ANKRD18B: variants seen among roughly 807,000 people sequenced by gnomAD.
ANKRD18B encodes the protein ankyrin repeat domain-containing protein 18B.
In ANKRD18B, 75 loss-of-function variants were observed where a neutral mutation model predicts 111.8. The observed-to-expected ratio is 0.67, with a 90% CI of 0.56 to 0.81. The LOEUF (loss-of-function observed/expected upper bound fraction) is 0.81. Ranked by LOEUF, ANKRD18B falls within the 40% of genes least tolerant of loss-of-function variation. ANKRD18B has a pLI of 0.00. For missense variants in ANKRD18B, 1,038 were observed against 1,225.5 expected, an observed-to-expected ratio of 0.85 and a Z score of 2.28; for synonymous variants, 356 against 417.3, an observed-to-expected ratio of 0.85 and a Z score of 1.79.
rs1395843453 is a variant in ANKRD18B at position 33,548,492 on chromosome 9, C to T, written c.1704C>T (p.Leu568=). The T allele has an allele frequency of 1.9e-6, 3 of 1,551,002 alleles. No homozygotes were observed. The highest frequency in any genetic ancestry group is 1.2e-5 in the South Asian group (1 of 83,940). ...AGCTCCGTGAGACAAGAGATGCTCT[C>T]AGGGAAAAGACATTGGCTTTAGAAA... ...KGKLRETRDA[L]REKTLALESV... The change falls in exon 11 of 19, where the codon CTC becomes CTT. Residue 568 remains leucine, a synonymous_variant. Coordinates refer to ENST00000684830, the MANE Select transcript of ANKRD18B (RefSeq NM_001393611.1).
intron 16 of ANKRD18B, 87 bp from the exon 17 acceptor site, chr9:33,568,584 C>T (rs1828720791): frequency 3.1e-6 from 4 of 1,274,412 alleles, no homozygotes; most frequent in Non-Finnish European, 4.2e-6. Context: ...GGTTTACTCT[C>T]AGGGCAACTG....
rs1563910956 is a variant in ANKRD18B at position 33,572,987 on chromosome 9, C to T, written c.*553C>T. On this transcript the variant is annotated 3_prime_UTR_variant, in exon 19 of 19. Coordinates refer to ENST00000684830, the MANE Select transcript of ANKRD18B (RefSeq NM_001393611.1). ...TTTGTTCTACATGGAGAAATAAAAC[C>T]AATAAATAAAGGAGAAGGGAAAGTC... is the stretch of plus-strand genomic sequence containing the variant. 2 of 332,950 alleles carry T rather than the reference C, an allele frequency of 6.0e-6. No homozygotes were observed. The highest frequency in any genetic ancestry group is 1.7e-4 in the East Asian group (2 of 12,074). 20.6% of individuals were successfully genotyped at this position (332,950 alleles called of 1,614,324 possible).
Position 33,524,601 on chromosome 9 carries a change from A to C in ANKRD18B, c.112A>C (p.Ile38Leu). The C allele has an allele frequency of 1.3e-6, 2 of 1,551,540 alleles. No individual in the cohort carries two copies. Among genetic ancestry groups the C allele is most frequent in the Non-Finnish European group, 1.7e-6 (2 of 1,146,868 alleles). Reference sequence around the variant, plus strand: ...CATTCGGGACTGGGAACTGCGGAAGATCCACAGGGCGGCCATCAAGGGCGA... The same window carrying C: ...CATTCGGGACTGGGAACTGCGGAAGCTCCACAGGGCGGCCATCAAGGGCGA... ...YHIRDWELRK[I>L]HRAAIKGDAA... The change falls in exon 1 of 19, where the codon ATC becomes CTC. Residue 38 changes from isoleucine to leucine, a missense_variant. Physicochemically the swap from Ile to Leu is conservative, Grantham distance 5. Around this residue, in one of 4 missense-constraint regions of ANKRD18B, gnomAD observed 216 missense variants for 205.1 expected, o/e 1.05. Transcript: ENST00000684830.
At chr9:33,540,542 A>G (rs2985602) in intron 8 of ANKRD18B, among the ~76,000 whole-genome samples, 1 of 152,234 alleles carries the variant, frequency 6.6e-6, no homozygotes, top group African/African-American at 2.4e-5. Context: ...CTGCTCTTGG[A>G]TAGGGAGCCA....
At chr9:33,525,054 G>A (rs1458150069) in intron 1 of ANKRD18B, among the ~76,000 whole-genome samples, 5 of 152,208 alleles carry the variant, frequency 3.3e-5, no homozygotes, top group Non-Finnish European at 4.4e-5. Flanking sequence ...AGGTAGATAG[G>A]TTCTTTACTG....
intron 6 of ANKRD18B, among the ~76,000 whole-genome samples, chr9:33,538,236 A>T (rs1334953657): frequency 6.6e-6 from 1 of 152,362 alleles, no homozygotes; most frequent in East Asian, 1.9e-4. Context: ...ATTATTTTTG[A>T]AGATAGCTAC....
intron 5 of ANKRD18B, among the ~76,000 whole-genome samples, chr9:33,535,747 A>AT (rs1411705318): frequency 6.9e-6 from 1 of 145,402 alleles, no homozygotes; most frequent in East Asian, 2.0e-4. Context: ...TATATTTTAT[A>AT]TTTTTATATT....
At chr9:33,555,593 A>G in intron 12 of ANKRD18B, 115 bp from the exon 13 acceptor site, 1 of 803,922 alleles carries the variant, frequency 1.2e-6, no homozygotes, top group Admixed American at 4.4e-5. Context: ...TGTAAAATGC[A>G]CTTTATACAA....
Position 33,541,174 on chromosome 9 carries a change from T to TG in ANKRD18B, c.1026dup (p.Lys343GlufsTer33). The TG allele has an allele frequency of 1.1e-5, 17 of 1,537,896 alleles. No individual in the cohort carries two copies. Among genetic ancestry groups the TG allele is most frequent in the Non-Finnish European group, 1.5e-5 (17 of 1,142,660 alleles). On this transcript the variant is annotated frameshift_variant, in exon 9 of 19. Transcript: ENST00000684830. LOFTEE classifies it high-confidence loss of function. ...ACAGCAGCTATGAAGCCTGAAAATTTGAAAAAAAGAAAAAAAAGAAAAAAA... is the reference window on the plus strand; with the variant it reads ...ACAGCAGCTATGAAGCCTGAAAATTTGGAAAAAAAGAAAAAAAAGAAAAAAA...
Position 33,524,664 on chromosome 9 carries a change from C to T in ANKRD18B, c.175C>T (p.Arg59Trp), listed in dbSNP as rs1373042359. The T allele has an allele frequency of 2.6e-6, 4 of 1,550,924 alleles. No individual in the cohort carries two copies. Among genetic ancestry groups the T allele is most frequent in the East Asian group, 4.9e-5 (2 of 40,904 alleles). The change falls in exon 1 of 19, where the codon CGG (arginine) becomes TGG (tryptophan). Residue 59 changes from arginine (R) to tryptophan (W), a missense_variant. Arg to Trp is a moderately radical substitution (Grantham distance 101). Coordinates refer to ENST00000684830, the MANE Select transcript of ANKRD18B (RefSeq NM_001393611.1). ...EVEHCLTRRF[R>W]DLDVRDRKDR... ...GGAGCACTGCCTGACGCGCAGGTTC[C>T]GGGACTTGGACGTCCGCGACAGAAA...
chr9:33,555,267 G>T (rs1448973942), intron 12 of ANKRD18B, among the ~76,000 whole-genome samples: 2 of 152,156 alleles, frequency 1.3e-5, no homozygotes, highest in Non-Finnish European at 2.9e-5. Context: ...CAGCCTGAAG[G>T]TAGATGAGGA....
chr9:33,565,053 G>T (rs184043163), intron 14 of ANKRD18B, among the ~76,000 whole-genome samples: 3 of 152,196 alleles, frequency 2.0e-5, no homozygotes, highest in African/African-American at 7.2e-5. Context: ...TTTGTTTGTT[G>T]CCTATGCTTC....
chr9:33,527,764 G>A (rs1828047521), intron 1 of ANKRD18B, among the ~76,000 whole-genome samples: 2 of 152,166 alleles, frequency 1.3e-5, no homozygotes, highest in Admixed American at 6.5e-5. Context: ...TAGACCTGCT[G>A]TGTATACAGT....
At chr9:33,569,849 C>T (rs1828743006) in intron 17 of ANKRD18B, among the ~76,000 whole-genome samples, 1 of 152,108 alleles carries the variant, frequency 6.6e-6, no homozygotes, top group African/African-American at 2.4e-5. Context: ...GCCTGGCCAA[C>T]ATGATGAAAC....
intron 14 of ANKRD18B, among the ~76,000 whole-genome samples, chr9:33,561,448 G>C (rs185181321): frequency 1.3e-5 from 2 of 152,256 alleles, no homozygotes; most frequent in African/African-American, 4.8e-5. Flanking sequence ...TCCCTTATCA[G>C]ATATATGCTT....
chr9:33,570,462 A>AAG (rs1828753876), intron 17 of ANKRD18B, among the ~76,000 whole-genome samples: 1 of 151,752 alleles, frequency 6.6e-6, no homozygotes, highest in South Asian at 2.1e-4. Flanking sequence ...ACTAGAAAAA[A>AAG]AAAAAGAAAA....
intron 11 of ANKRD18B, 31 bp from the exon 12 acceptor site, chr9:33,550,399 T>C: frequency 1.3e-6 from 2 of 1,517,060 alleles, no homozygotes; most frequent in Non-Finnish European, 1.8e-6. Context: ...TAAGGCACTT[T>C]ATAAAATTGG....
At chr9:33,565,867 AC>A in intron 14 of ANKRD18B, among the ~76,000 whole-genome samples, 1 of 152,232 alleles carries the variant, frequency 6.6e-6, no homozygotes, top group African/African-American at 2.4e-5. Context: ...AGGTTTTTTG[AC>A]AAATTTTGGG....
intron 9 of ANKRD18B, among the ~76,000 whole-genome samples, chr9:33,542,950 C>A (rs1240238246): frequency 6.6e-6 from 1 of 151,264 alleles, no homozygotes; most frequent in Non-Finnish European, 1.5e-5. Context: ...TTTGGGTGAC[C>A]CTGAGACTTT....
Sources: gnomAD v4.1 joint callset for allele counts (sites outside exome capture counted in the v4.1 genomes callset) on GRCh38, gnomAD v4.1.1 for gene constraint, gnomAD v4.1.1 regional missense constraint, MANE v1.5 for transcripts, NCBI Gene and HGNC (gene_info 2026-07-23, HGNC 2026-07-21) for gene names.